The following CSMD1 variants were observed in gnomAD, a reference collection of about 807,000 sequenced individuals.
CSMD1 encodes CUB and Sushi multiple domains 1.
Under a neutral mutation model 417.5 loss-of-function variants are expected in CSMD1, and 213 were observed. The observed-to-expected ratio is 0.51, with a 90% confidence interval of 0.46 to 0.57. The LOEUF (loss-of-function observed/expected upper bound fraction) is 0.57, where lower values mean the gene tolerates loss of function less well. CSMD1 is among the 20% of genes least tolerant of loss of function. CSMD1 has a pLI of 0.00. For missense variants in CSMD1, 6,923 were observed against 4,529.7 expected, an observed-to-expected ratio of 1.53 and a Z score of -15.17; for synonymous variants, 2,862 against 1,736.8, an observed-to-expected ratio of 1.65 and a Z score of -16.11.
chr8:3,105,980 T>A (rs537360804), intron 46 of CSMD1, among the ~76,000 whole-genome samples: 5 of 152,344 alleles, frequency 3.3e-5, no homozygotes, highest in African/African-American at 1.2e-4. Context: ...GTGAGAAACA[T>A]GATTTCTTAT....
At chr8:4,234,601 T>G (rs1181773258) in intron 3 of CSMD1, among the ~76,000 whole-genome samples, 3 of 152,168 alleles carry the variant, frequency 2.0e-5, no homozygotes, top group Admixed American at 6.5e-5. Flanking sequence ...GTGTTTGTAT[T>G]TACACTTTAT....
At chr8:4,500,633 G>C (rs746669775) in intron 2 of CSMD1, among the ~76,000 whole-genome samples, 23 of 152,096 alleles carry the variant, frequency 1.5e-4, no homozygotes, top group Non-Finnish European at 3.1e-4. Flanking sequence ...GCGGGAGAGA[G>C]GGACGAAAGT....
intron 5 of CSMD1, among the ~76,000 whole-genome samples, chr8:3,958,878 G>C (rs73178017): frequency 0.045 from 6,841 of 152,236 alleles, 224 homozygotes; most frequent in Middle Eastern, 0.082. Context: ...TGGAAAAAGA[G>C]AACAGATATT....
intron 1 of CSMD1, among the ~76,000 whole-genome samples, chr8:4,840,239 G>T (rs148752469): frequency 7.2e-3 from 229 of 31,934 alleles, no homozygotes; most frequent in Middle Eastern, 0.029. Flanking sequence ...CCATCACATC[G>T]CCAGCTGATA....
chr8:4,084,052 T>C (rs10092875), intron 3 of CSMD1, among the ~76,000 whole-genome samples: 1 of 152,134 alleles, frequency 6.6e-6, no homozygotes, highest in East Asian at 1.9e-4. Context: ...TTAAAATTAG[T>C]AGATCAAATG....
intron 2 of CSMD1, among the ~76,000 whole-genome samples, chr8:4,433,992 C>T (rs574478979): frequency 6.6e-5 from 10 of 152,202 alleles, no homozygotes; most frequent in African/African-American, 2.4e-4. Flanking sequence ...TCTTCAGCCT[C>T]AAGATTAACA....
At chr8:4,309,926 T>C (rs776436125) in intron 3 of CSMD1, among the ~76,000 whole-genome samples, 14 of 152,192 alleles carry the variant, frequency 9.2e-5, no homozygotes, top group East Asian at 1.9e-4. Flanking sequence ...AGAAGCTCAT[T>C]AGAAACATGA....
At chr8:4,382,489 C>CT (rs138277682) in intron 3 of CSMD1, among the ~76,000 whole-genome samples, 1,883 of 152,224 alleles carry the variant, frequency 0.012, 40 homozygotes, top group African/African-American at 0.042. Context: ...TTCCAACCAC[C>CT]TAAACTCTCT....
At chr8:3,385,709 ATATT>A (rs1236823917) in intron 18 of CSMD1, among the ~76,000 whole-genome samples, 1 of 152,158 alleles carries the variant, frequency 6.6e-6, no homozygotes, top group Non-Finnish European at 1.5e-5. Context: ...TTATGTTTAA[ATATT>A]TATTTTAGAG....
intron 54 of CSMD1, among the ~76,000 whole-genome samples, chr8:2,979,538 T>C (rs898618715): frequency 2.0e-5 from 3 of 152,300 alleles, no homozygotes; most frequent in East Asian, 1.9e-4. Flanking sequence ...ACCCCACCAG[T>C]GAATGAGGCA....
intron 21 of CSMD1, among the ~76,000 whole-genome samples, chr8:3,349,322 A>G (rs1046961340): frequency 2.0e-5 from 3 of 152,156 alleles, no homozygotes; most frequent in African/African-American, 7.2e-5. Flanking sequence ...AATCAGCTAC[A>G]TCACTGGCCA....
At chr8:3,296,087 G>C (rs1378377911) in intron 25 of CSMD1, among the ~76,000 whole-genome samples, 1 of 151,850 alleles carries the variant, frequency 6.6e-6, no homozygotes, top group East Asian at 1.9e-4. Context: ...GTTAGTAGGT[G>C]GTAAATGCAA....
At chr8:3,548,698 A>C (rs1057075197) in intron 10 of CSMD1, among the ~76,000 whole-genome samples, 3 of 149,288 alleles carry the variant, frequency 2.0e-5, no homozygotes, top group Non-Finnish European at 3.0e-5. Flanking sequence ...ACACACACAC[A>C]CACCATGGTT....
At chr8:4,216,414 A>C (rs1312275293) in intron 3 of CSMD1, among the ~76,000 whole-genome samples, 6 of 152,208 alleles carry the variant, frequency 3.9e-5, no homozygotes, top group Admixed American at 3.9e-4. Context: ...GCATGGTAAA[A>C]TTAATACTTA....
intron 5 of CSMD1, among the ~76,000 whole-genome samples, chr8:3,945,336 G>C (rs1811150893): frequency 6.6e-6 from 1 of 151,888 alleles, no homozygotes; most frequent in Non-Finnish European, 1.5e-5. Context: ...AATTACTATG[G>C]ACATAATGAT....
At chr8:4,458,816 T>G (rs892371495) in intron 2 of CSMD1, among the ~76,000 whole-genome samples, 2 of 152,192 alleles carry the variant, frequency 1.3e-5, no homozygotes, top group African/African-American at 4.8e-5. Context: ...AACTTTTCAA[T>G]TAGATCCAAA....
intron 3 of CSMD1, among the ~76,000 whole-genome samples, chr8:4,049,766 G>A (rs905163729): frequency 6.6e-6 from 1 of 152,016 alleles, no homozygotes; most frequent in Admixed American, 6.6e-5. Flanking sequence ...CTCCATAAAT[G>A]GCCACAGCCC....
chr8:3,399,778 T>C (rs1811927555), intron 15 of CSMD1, among the ~76,000 whole-genome samples: 1 of 152,196 alleles, frequency 6.6e-6, no homozygotes. Context: ...TATACGTGAG[T>C]TCTCTGTGCT....
chr8:4,893,907 G>A (rs896425121), intron 1 of CSMD1, among the ~76,000 whole-genome samples: 1 of 152,018 alleles, frequency 6.6e-6, no homozygotes, highest in South Asian at 2.1e-4. Context: ...AGGGGGCGGG[G>A]CAATGTCTTT....
Sources: allele counts gnomAD v4.1 joint callset (sites outside exome capture counted in the v4.1 genomes callset), GRCh38; gene constraint gnomAD v4.1.1; transcripts MANE v1.5; gene names NCBI Gene and HGNC (gene_info 2026-07-23, HGNC 2026-07-21).